Variants in CAMK2D observed in about 807,000 individuals in gnomAD.
The protein encoded by CAMK2D is calcium/calmodulin dependent protein kinase II delta, also known as calcium/calmodulin-dependent protein kinase type II subunit delta.
A neutral mutation model predicts 84.0 loss-of-function variants in CAMK2D; 37 were observed. The observed-to-expected ratio is 0.44, with a 90% CI of 0.34 to 0.58. The LOEUF (loss-of-function observed/expected upper bound fraction) is 0.58, where lower values mean the gene tolerates loss of function less well. Ranked by LOEUF, CAMK2D falls within the 20% of genes least tolerant of loss-of-function variation. The probability of loss-of-function intolerance (pLI) is 0.02; values close to 1 mark genes in which losing one functional copy is unlikely to be tolerated. For missense variants in CAMK2D, 448 were observed against 652.5 expected (o/e 0.69, Z 3.41); for synonymous variants, 202 against 212.5 (o/e 0.95, Z 0.43).
intron 3 of CAMK2D, among the ~76,000 whole-genome samples, chr4:113,635,855 G>T (rs1245045406): frequency 1.3e-5 from 2 of 152,234 alleles, no homozygotes; most frequent in East Asian, 3.8e-4. Flanking sequence ...TTTAGCAAAT[G>T]CAAGTGCATA....
At chr4:113,564,702 T>C (rs2098714228) in intron 4 of CAMK2D, among the ~76,000 whole-genome samples, 1 of 152,204 alleles carries the variant, frequency 6.6e-6, no homozygotes, top group African/African-American at 2.4e-5. Flanking sequence ...AGATGCAATA[T>C]GAAATCAGTT....
chr4:113,722,083 G>A (rs753389608), intron 2 of CAMK2D, among the ~76,000 whole-genome samples: 2 of 152,036 alleles, frequency 1.3e-5, no homozygotes, highest in Non-Finnish European at 2.9e-5. Context: ...TTAACCTACC[G>A]ATTGTCAGTT....
intron 5 of CAMK2D, 75 bp from the exon 6 acceptor site, chr4:113,547,791 G>A: frequency 4.4e-6 from 4 of 918,504 alleles, no homozygotes; most frequent in Non-Finnish European, 6.5e-6. Flanking sequence ...AGAGAGACTG[G>A]GTTAAAGTGC....
rs1400091694 is a variant in CAMK2D at position 113,451,178 on chromosome 4, A to T, written c.*3367T>A. On this transcript the variant is annotated 3_prime_UTR_variant, in exon 21 of 21. Transcript: ENST00000511664. ...TTGAAAATTTCCTTAGAATATACTG[A>T]TTTGCTACTACATTTCATTTTTCCT... is the stretch of plus-strand genomic sequence containing the variant. 1 of 152,092 alleles carries T rather than the reference A, an allele frequency of 6.6e-6. No individual in the cohort carries two copies. The highest frequency in any genetic ancestry group is 2.1e-4 in the South Asian group (1 of 4,834). The allele number at this position is 152,092 out of a possible 1,614,324, so 9.4% of individuals were successfully genotyped here.
intron 3 of CAMK2D, among the ~76,000 whole-genome samples, chr4:113,643,663 C>T (rs992823347): frequency 1.4e-4 from 22 of 152,352 alleles, no homozygotes; most frequent in African/African-American, 3.8e-4. Context: ...GTATCTCCCA[C>T]GCTTAGCAGC....
chr4:113,549,519 G>A (rs1395141096), intron 5 of CAMK2D, among the ~76,000 whole-genome samples: 2 of 151,990 alleles, frequency 1.3e-5, no homozygotes, highest in African/African-American at 2.4e-5. Flanking sequence ...TTCTTATTAA[G>A]GGTTCACTGA....
chr4:113,755,209 A>C (rs1043371216), intron 2 of CAMK2D: 12 of 173,850 alleles, frequency 6.9e-5, no homozygotes, highest in Non-Finnish European at 1.1e-4. Context: ...CACACACACA[A>C]AACATTTAGA....
intron 16 of CAMK2D, among the ~76,000 whole-genome samples, chr4:113,486,799 T>C (rs2097769848): frequency 6.6e-6 from 1 of 152,216 alleles, no homozygotes; most frequent in Admixed American, 6.5e-5. Flanking sequence ...GTAGTTTAGT[T>C]AAGTGCTATT....
chr4:113,580,416 T>C (rs1026078596), intron 4 of CAMK2D, among the ~76,000 whole-genome samples: 3 of 152,216 alleles, frequency 2.0e-5, no homozygotes, highest in Admixed American at 1.3e-4. Flanking sequence ...ATGTTACACA[T>C]TTAGTATTGA....
chr4:113,519,891 C>T (rs1437904121), intron 8 of CAMK2D, among the ~76,000 whole-genome samples: 1 of 152,102 alleles, frequency 6.6e-6, no homozygotes, highest in African/African-American at 2.4e-5. Context: ...CAACCACAAG[C>T]AGGACAGACA....
At chr4:113,544,589 T>C (rs1488031672) in intron 6 of CAMK2D, among the ~76,000 whole-genome samples, 1 of 152,196 alleles carries the variant, frequency 6.6e-6, no homozygotes, top group African/African-American at 2.4e-5. Context: ...CCTCATAAAG[T>C]TGTTCTGAAG....
At chr4:113,508,046 T>C (rs2098154904) in intron 13 of CAMK2D, among the ~76,000 whole-genome samples, 1 of 152,218 alleles carries the variant, frequency 6.6e-6, no homozygotes, top group Non-Finnish European at 1.5e-5. Context: ...TCTACATGTA[T>C]AACAAATTCA....
intron 6 of CAMK2D, among the ~76,000 whole-genome samples, chr4:113,543,802 TTA>T (rs1437238580): frequency 2.7e-5 from 4 of 146,452 alleles, no homozygotes; most frequent in Non-Finnish European, 4.4e-5. Context: ...ATTTATTTAT[TTA>T]TTTTTGAGAC....
chr4:113,760,572 G>T (rs1231814370), intron 1 of CAMK2D, among the ~76,000 whole-genome samples: 1 of 152,142 alleles, frequency 6.6e-6, no homozygotes, highest in Non-Finnish European at 1.5e-5. Flanking sequence ...TGGGTCATAC[G>T]GCCGACACGC....
At chr4:113,493,544 G>A (rs368263438) in intron 16 of CAMK2D, among the ~76,000 whole-genome samples, 1 of 152,122 alleles carries the variant, frequency 6.6e-6, no homozygotes, top group Admixed American at 6.5e-5. Flanking sequence ...CTTTGAGGGT[G>A]ACCCGACCTT....
intron 2 of CAMK2D, among the ~76,000 whole-genome samples, chr4:113,685,605 A>G (rs1445686567): frequency 6.6e-6 from 1 of 152,228 alleles, no homozygotes; most frequent in Admixed American, 6.5e-5. Flanking sequence ...TGTATAAATT[A>G]TGAAAAATTA....
rs78446283 is a variant in CAMK2D at position 113,477,306 on chromosome 4, T to A, written c.1136-11702A>T. On this transcript the variant is annotated intron_variant, in intron 16 of 20. Coordinates refer to ENST00000511664, the MANE Select transcript of CAMK2D (RefSeq NM_001321571.2). ...TTGGGAAGTTAAAAATATCCTATCA[T>A]ACCAGAAATTACTAAATGATTCACA... Among the ~76,000 whole-genome samples the A allele has an allele frequency of 7.2e-3, 1,094 of 152,300 alleles. 23 individuals carry two copies. The highest frequency in any genetic ancestry group is 0.025 in the African/African-American group (1,048 of 41,556).
At chr4:113,642,697 G>C (rs556130983) in intron 3 of CAMK2D, among the ~76,000 whole-genome samples, 2 of 152,180 alleles carry the variant, frequency 1.3e-5, no homozygotes, top group Admixed American at 6.5e-5. Flanking sequence ...GCTGTCTGTG[G>C]AAGCTGGTTA....
chr4:113,552,031 C>A lies in CAMK2D; in HGVS notation c.341G>T (p.Ser114Ile). ...AREYYSEADA[S>I]HCIQQILEAV... ...ATCTTGCCCAGGGCAAGTCACTTAC[C>A]TGGCATCAGCTTCACTGTAGTATTC... is the stretch of plus-strand genomic sequence containing the variant. Residue 114 changes from serine (S) to isoleucine (I), a missense_variant and splice_region_variant, in exon 5 of 21, where the codon AGT (serine) becomes ATT (isoleucine). This residue lies in a region of CAMK2D where 60 missense variants were observed against 70.0 expected (regional missense o/e 0.86). Coordinates refer to ENST00000511664, the MANE Select transcript of CAMK2D (RefSeq NM_001321571.2). 6.5e-7 allele frequency: 1 copy of A among 1,531,522 alleles called. No homozygotes were observed. The highest frequency in any genetic ancestry group is 9.0e-7 in the Non-Finnish European group (1 of 1,112,988). The allele number at this position is 1,531,522 out of a possible 1,614,324, so 94.9% of individuals were successfully genotyped here.
Sources: allele counts gnomAD v4.1 joint callset (sites outside exome capture counted in the v4.1 genomes callset), GRCh38; gene constraint gnomAD v4.1.1; regional missense constraint gnomAD v4.1.1; transcripts MANE v1.5; gene names NCBI Gene and HGNC (gene_info 2026-07-23, HGNC 2026-07-21).